Variants in CLINT1 observed in about 807,000 individuals in gnomAD.
CLINT1 encodes clathrin interactor 1.
CLINT1 carries 15 observed loss-of-function variants against 70.4 expected under a neutral mutation model. The ratio of observed to expected loss-of-function variants is 0.21; its 90% CI spans 0.14 to 0.33. The LOEUF is 0.33. CLINT1 is among the 10% of genes least tolerant of loss of function. The pLI, the probability that CLINT1 is intolerant of heterozygous loss-of-function variation, is 1.00. For missense variants in CLINT1, 615 were observed against 778.1 expected (o/e 0.79, Z 2.49); for synonymous variants, 227 against 254.7 (o/e 0.89, Z 1.04).
Position 157,809,949 on chromosome 5 carries a change from A to T in CLINT1, c.518-144T>A, listed in dbSNP as rs1003071311. On this transcript the variant is annotated intron_variant, in intron 5 of 11. Transcript: ENST00000411809. ...AGCTCCCACAGTGCTGAATCAACAC[A>T]ATTACAGCAAGGCATAGCATGTAAT... The T allele has an allele frequency of 9.6e-6, 7 of 729,480 alleles. No individual in the cohort carries two copies. In the Admixed American group the frequency reaches 2.0e-4, roughly 21 times the overall value. 45.2% of individuals were successfully genotyped at this position (729,480 alleles called of 1,614,324 possible).
At position 157,787,812 on chromosome 5, in the gene CLINT1, A is replaced by G. The variant is rs185181472; in HGVS notation, c.1712T>C (p.Met571Thr). The stretch of plus-strand genomic sequence containing the variant: ...CATGCCCATCATGCTCTGGTTCATC[A>G]TCGGAGTATTTCCAAGAGGGGCCAT... ...MGMAPLGNTP[M>T]MNQSMMGMNM... Residue 571 changes from methionine to threonine, a missense_variant, in exon 12 of 12, where the codon ATG becomes ACG. Coordinates refer to ENST00000411809, the MANE Select transcript of CLINT1 (RefSeq NM_014666.4). 9.8e-4 allele frequency: 1,579 copies of G among 1,613,984 alleles called. 2 individuals are homozygous for G. Among genetic ancestry groups the G allele is most frequent in the Admixed American group, 2.5e-3 (151 of 60,016 alleles).
chr5:157,832,806 C>A (rs1763287554), intron 1 of CLINT1, among the ~76,000 whole-genome samples: 1 of 152,154 alleles, frequency 6.6e-6, no homozygotes, highest in South Asian at 2.1e-4. Flanking sequence ...CAGGTCTTTG[C>A]AATTCTATTC....
chr5:157,805,846 T>G lies in CLINT1; in HGVS notation c.942+20A>C, dbSNP rs1762368818. On this transcript the variant is annotated intron_variant, in intron 7 of 11. Transcript: ENST00000411809. ...TAAAAATAAAACCATGTATAATGTG[T>G]AAACTACTGCCATTCCCACCTTAAC... The G allele has an allele frequency of 6.2e-7, 1 of 1,613,724 alleles. No individual in the cohort carries two copies. Among genetic ancestry groups the G allele is most frequent in the South Asian group, 1.1e-5 (1 of 91,080 alleles).
At chr5:157,858,449 G>C (rs1753824697) in intron 1 of CLINT1, among the ~76,000 whole-genome samples, 1 of 152,194 alleles carries the variant, frequency 6.6e-6, no homozygotes, top group Admixed American at 6.5e-5. Context: ...GAGGAGGCAA[G>C]GAAGATAAAA....
chr5:157,791,925 A>G lies in CLINT1; in HGVS notation c.1158T>C (p.Val386=), dbSNP rs764998532. 1.2e-6 allele frequency: 2 copies of G among 1,614,026 alleles called. No individual in the cohort carries two copies. The highest frequency in any genetic ancestry group is 3.3e-5 in the Admixed American group (2 of 60,024). ...TGCCAAAGAACTCGCCACTGGAAGC[A>G]ACAGGGCCTGATGGGGCTTGGTTGA... ...SAFNQAPSGP[V]ASSGEFFGSA... is the part of the protein sequence containing the mutation. Residue 386 remains valine (V), a synonymous_variant, in exon 10 of 12, where the codon GTT becomes GTC. Coordinates refer to ENST00000411809, the MANE Select transcript of CLINT1 (RefSeq NM_014666.4).
chr5:157,812,676 C>T (rs535327704), intron 5 of CLINT1, among the ~76,000 whole-genome samples: 1 of 152,158 alleles, frequency 6.6e-6, no homozygotes, highest in South Asian at 2.1e-4. Flanking sequence ...AAATTGGTTT[C>T]AAATTAGAAA....
At chr5:157,826,967 G>GT (rs1206603625) in intron 1 of CLINT1, among the ~76,000 whole-genome samples, 1 of 152,116 alleles carries the variant, frequency 6.6e-6, no homozygotes, top group Non-Finnish European at 1.5e-5. Flanking sequence ...GAAATACATG[G>GT]TAACTTGCTT....
chr5:157,806,282 T>A (rs966389166), intron 6 of CLINT1, among the ~76,000 whole-genome samples, 170 bp from the exon 7 acceptor site: 1 of 152,182 alleles, frequency 6.6e-6, no homozygotes, highest in Admixed American at 6.5e-5. Flanking sequence ...TAATGATATA[T>A]GTGCGCTGGG....
chr5:157,820,321 T>C (rs1474870584), intron 1 of CLINT1, among the ~76,000 whole-genome samples: 1 of 152,138 alleles, frequency 6.6e-6, no homozygotes, highest in Non-Finnish European at 1.5e-5. Context: ...TGGTAGCGTG[T>C]ACCTGTGGTC....
chr5:157,835,203 T>C (rs1395184105), intron 1 of CLINT1, among the ~76,000 whole-genome samples: 3 of 152,184 alleles, frequency 2.0e-5, no homozygotes, highest in Admixed American at 6.5e-5. Flanking sequence ...AAGTGCTATG[T>C]AGTGCTCCTA....
intron 5 of CLINT1, among the ~76,000 whole-genome samples, chr5:157,811,132 C>T (rs182206480): frequency 2.0e-5 from 3 of 151,906 alleles, no homozygotes; most frequent in Non-Finnish European, 4.4e-5. Flanking sequence ...CAAATTTACA[C>T]GAAAAATGGA....
intron 10 of CLINT1, chr5:157,790,191 ACT>A (rs1389334037): frequency 2.5e-5 from 4 of 162,566 alleles, no homozygotes; most frequent in Non-Finnish European, 5.4e-5. Flanking sequence ...ACAGAGCGAG[ACT>A]CTGTTTCAAA....
At position 157,805,890 on chromosome 5, in the gene CLINT1, G is replaced by C. The variant is rs1268097273; in HGVS notation, c.918C>G (p.Thr306=). The change falls in exon 7 of 12, where the codon ACC becomes ACG. Residue 306 remains threonine, a synonymous_variant. Transcript: ENST00000411809. ...CCTTAACTGAAGACTGAGGTGTGTG[G>C]GTTGAAGCATTCTGATCTGGACTTG... is the stretch of plus-strand genomic sequence containing the variant. ...DKASPDQNAS[T]HTPQSSVKTS... 4 of 1,613,936 alleles carry C rather than the reference G, an allele frequency of 2.5e-6. No homozygotes were observed. Among genetic ancestry groups the C allele is most frequent in the Non-Finnish European group, 3.4e-6 (4 of 1,179,860 alleles).
intron 1 of CLINT1, among the ~76,000 whole-genome samples, chr5:157,840,213 A>G (rs796827013): frequency 7.1e-6 from 1 of 141,476 alleles, no homozygotes; most frequent in Non-Finnish European, 1.5e-5. Flanking sequence ...AAAAAAAAAA[A>G]GGAAAAAAGA....
At chr5:157,796,096 A>C (rs1328245884) in intron 8 of CLINT1, 1 of 152,198 alleles carries the variant, frequency 6.6e-6, no homozygotes, top group Non-Finnish European at 1.5e-5. Flanking sequence ...TATCAATACA[A>C]TAGTTTTGGT....
Position 157,787,663 on chromosome 5 carries a change from C to T in CLINT1, c.1861G>A (p.Ala621Thr), listed in dbSNP as rs767548618. ...ACAATCTCTTATTTGCTAAAATTGGCGAAATTTGCAAAGGCATCTTGCTTG... is the reference window on the plus strand; with the variant it reads ...ACAATCTCTTATTTGCTAAAATTGGTGAAATTTGCAAAGGCATCTTGCTTG... ...QPKQDAFANF[A>T]NFSK The change falls in exon 12 of 12, where the codon GCC becomes ACC. Residue 621 changes from alanine to threonine, a missense_variant. By Grantham distance (58) the Ala-to-Thr change is moderately conservative. Transcript: ENST00000411809. 48 of 1,612,810 alleles carry T rather than the reference C, an allele frequency of 3.0e-5. No homozygotes were observed. Among genetic ancestry groups the T allele is most frequent in the African/African-American group, 2.1e-4 (16 of 74,904 alleles).
chr5:157,813,295 TA>T (rs967478773), intron 4 of CLINT1, 68 bp from the exon 5 acceptor site: 156 of 1,357,074 alleles, frequency 1.1e-4, no homozygotes, highest in South Asian at 1.5e-4. Flanking sequence ...TCTTTAAGAT[TA>T]AAAAAAAGAC....
intron 11 of CLINT1, among the ~76,000 whole-genome samples, chr5:157,788,686 G>A (rs1040573475): frequency 6.6e-6 from 1 of 152,134 alleles, no homozygotes; most frequent in African/African-American, 2.4e-5. Flanking sequence ...GATGGAAAGT[G>A]GCCAGGCGCG....
At chr5:157,858,782 G>A (rs1202544151) in intron 1 of CLINT1, 148 bp downstream of exon 1, 6 of 796,866 alleles carry the variant, frequency 7.5e-6, no homozygotes, top group African/African-American at 1.8e-5. Context: ...GATGAGGCCC[G>A]GGGCCGGGAA....
Sources: allele counts gnomAD v4.1 joint callset (sites outside exome capture counted in the v4.1 genomes callset), GRCh38; gene constraint gnomAD v4.1.1; transcripts MANE v1.5; gene names NCBI Gene and HGNC (gene_info 2026-07-23, HGNC 2026-07-21).